The following NMD3 variants were observed in gnomAD, a reference collection of about 807,000 sequenced individuals.
The protein encoded by NMD3 is 60S ribosomal export protein NMD3.
Under a neutral mutation model 73.1 loss-of-function variants are expected in NMD3, and 47 were observed. That is an observed-to-expected ratio of 0.64 (90% CI 0.51 to 0.82). NMD3 has a LOEUF of 0.82. Ranked by LOEUF, NMD3 falls within the 40% of genes least tolerant of loss-of-function variation. NMD3 has a pLI of 0.00. For synonymous variants in NMD3, 210 were observed against 194.5 expected (o/e 1.08, Z -0.66); for missense variants, 554 against 612.5 (o/e 0.90, Z 1.01).
At chr3:161,222,878 GC>G (rs908393083) in intron 2 of NMD3, 1 of 152,286 alleles carries the variant, frequency 6.6e-6, no homozygotes, top group Admixed American at 6.5e-5. Flanking sequence ...AGGAAATTTG[GC>G]CCCCTTCCCT....
rs1374547356 is a variant in NMD3 at position 161,251,755 on chromosome 3, T to G, written c.*845T>G. On this transcript the variant is annotated 3_prime_UTR_variant, in exon 16 of 16. Transcript: ENST00000351193. ...GAACAGATCACCATTAAAAAGAATA[T>G]TAGAATCCAGCATGAAGATAATGGC... 2.0e-5 allele frequency: 3 copies of G among 152,178 alleles called. No homozygotes were observed. In the East Asian group the frequency reaches 5.8e-4, roughly 29 times the overall value. 9.4% of individuals were successfully genotyped at this position (152,178 alleles called of 1,614,324 possible). A position where few individuals can be genotyped will look rare whatever the true frequency, so the allele number is the denominator to read the frequency against.
intron 14 of NMD3, 151 bp downstream of exon 14, chr3:161,249,711 T>C: frequency 1.5e-6 from 1 of 660,512 alleles, no homozygotes; most frequent in South Asian, 1.7e-5. Flanking sequence ...GGAATCAGTA[T>C]AAGATGATGT....
rs560763421 is a variant in NMD3, at chr3:161,238,649, T to G, written c.657-81T>G. On this transcript the variant is annotated intron_variant, in intron 8 of 15. Transcript: ENST00000351193. ...TAGACCTTGGACAATGATGGTTTGA[T>G]TTAATGAAAATTGATATTCCTGAGT... The G allele has an allele frequency of 1.0e-3, 772 of 738,656 alleles. 5 individuals carry two copies. The South Asian group carries it at 0.011, about 11-fold the overall frequency. 45.8% of individuals were successfully genotyped at this position (738,656 alleles called of 1,614,324 possible).
chr3:161,235,939 G>C (rs889757437), intron 7 of NMD3, among the ~76,000 whole-genome samples: 2 of 151,498 alleles, frequency 1.3e-5, no homozygotes, highest in Non-Finnish European at 2.9e-5. Flanking sequence ...TATTATGTTA[G>C]TTTTTTCAAA....
chr3:161,228,630 G>A (rs949953624), intron 4 of NMD3, among the ~76,000 whole-genome samples: 1 of 151,520 alleles, frequency 6.6e-6, no homozygotes, highest in African/African-American at 2.4e-5. Flanking sequence ...TATACTTGGG[G>A]TTTTTGTCAA....
intron 10 of NMD3, 64 bp downstream of exon 10, chr3:161,241,227 G>A: frequency 1.0e-6 from 1 of 971,382 alleles, no homozygotes; most frequent in Non-Finnish European, 1.6e-6. Context: ...AATAATTTGT[G>A]TTGTTAATTT....
At chr3:161,249,676 C>T (rs1045558980) in intron 14 of NMD3, 116 bp downstream of exon 14, 3 of 721,026 alleles carry the variant, frequency 4.2e-6, no homozygotes, top group East Asian at 5.4e-5. Flanking sequence ...CAATTATAAT[C>T]TTGGATTCTT....
intron 4 of NMD3, among the ~76,000 whole-genome samples, chr3:161,227,605 A>T (rs1444205481): frequency 2.0e-5 from 3 of 151,404 alleles, no homozygotes; most frequent in Non-Finnish European, 4.4e-5. Context: ...ACACCACCAC[A>T]TCTGGCTAAT....
At chr3:161,238,230 T>C (rs1215486302) in intron 8 of NMD3, 39 bp downstream of exon 8, 3 of 1,246,542 alleles carry the variant, frequency 2.4e-6, no homozygotes, top group Non-Finnish European at 3.4e-6. Flanking sequence ...ATCTAAGGAC[T>C]TGGGAATGGA....
At chr3:161,241,577 T>G (rs1244007557) in intron 10 of NMD3, among the ~76,000 whole-genome samples, 29 of 152,008 alleles carry the variant, frequency 1.9e-4, no homozygotes, top group Admixed American at 1.8e-3. Flanking sequence ...CCTGCCACCA[T>G]GCCCAGCTAA....
intron 2 of NMD3, among the ~76,000 whole-genome samples, chr3:161,222,507 T>C (rs1736148924): frequency 6.6e-6 from 1 of 152,094 alleles, no homozygotes; most frequent in African/African-American, 2.4e-5. Flanking sequence ...TATTGGAGAT[T>C]ATAATGTAGT....
At chr3:161,227,782 T>G (rs1049194055) in intron 4 of NMD3, among the ~76,000 whole-genome samples, 5 of 152,178 alleles carry the variant, frequency 3.3e-5, no homozygotes, top group African/African-American at 1.2e-4. Flanking sequence ...TTGTTGCCAG[T>G]AGCACCCCAC....
At chr3:161,247,403 G>A in intron 13 of NMD3, 73 bp downstream of exon 13, 1 of 814,458 alleles carries the variant, frequency 1.2e-6, no homozygotes, top group Non-Finnish European at 2.0e-6. Context: ...TAAGAGGTAG[G>A]AGTTCACACT....
chr3:161,229,231 A>G (rs1220369944), intron 4 of NMD3, among the ~76,000 whole-genome samples: 1 of 152,194 alleles, frequency 6.6e-6, no homozygotes, highest in East Asian at 1.9e-4. Flanking sequence ...AGGGCAGAGT[A>G]GTGAGATGAC....
In NMD3 at chr3:161,246,751, T is replaced by A. The variant is rs184406216; in HGVS notation, c.1130+303T>A. On this transcript the variant is annotated intron_variant, in intron 12 of 15. Coordinates refer to ENST00000351193, the MANE Select transcript of NMD3 (RefSeq NM_015938.5). ...CTTTTGCAGATTGGGTCTTTTTTAT[T>A]GTGCAGTTGCTACTGCTCAGATAAC... Among the ~76,000 whole-genome samples, 45 of 152,332 alleles carry A rather than the reference T, an allele frequency of 3.0e-4. 2 individuals carry two copies. In the East Asian group the frequency reaches 8.7e-3, roughly 29 times the overall value.
chr3:161,225,964 T>G (rs1736298655), intron 3 of NMD3, among the ~76,000 whole-genome samples: 1 of 152,102 alleles, frequency 6.6e-6, no homozygotes, highest in South Asian at 2.1e-4. Flanking sequence ...GCTTAATCTT[T>G]TATAAATATT....
chr3:161,251,841 C>G lies in NMD3; in HGVS notation c.*931C>G, dbSNP rs1250632998. ...AATCAGATTTGAATGAGGAATGCTTCCCACATCCTTGAAAGAAAAACTGTG... is the reference window on the plus strand; with the variant it reads ...AATCAGATTTGAATGAGGAATGCTTGCCACATCCTTGAAAGAAAAACTGTG... On this transcript the variant is annotated 3_prime_UTR_variant, in exon 16 of 16. Coordinates refer to ENST00000351193, the MANE Select transcript of NMD3 (RefSeq NM_015938.5). 1 of 152,174 alleles carries G rather than the reference C, an allele frequency of 6.6e-6. No individual in the cohort carries two copies. The highest frequency in any genetic ancestry group is 2.4e-5 in the African/African-American group (1 of 41,434). The allele number at this position is 152,174 out of a possible 1,614,324, so 9.4% of individuals were successfully genotyped here.
At chr3:161,224,074 CA>C (rs776820302) in intron 2 of NMD3, among the ~76,000 whole-genome samples, 1 of 152,072 alleles carries the variant, frequency 6.6e-6, no homozygotes, top group Admixed American at 6.5e-5. Flanking sequence ...AATTATATTT[CA>C]GTATCTAAAA....
chr3:161,247,126 A>T, intron 12 of NMD3, 132 bp from the exon 13 acceptor site: 1 of 594,968 alleles, frequency 1.7e-6, no homozygotes, highest in African/African-American at 1.9e-5. Context: ...TTGTGTAATA[A>T]ATGACAGAAC....
Sources: allele counts gnomAD v4.1 joint callset (sites outside exome capture counted in the v4.1 genomes callset), GRCh38; gene constraint gnomAD v4.1.1; transcripts MANE v1.5; gene names NCBI Gene and HGNC (gene_info 2026-07-23, HGNC 2026-07-21).